Variants in FOXP2 observed in about 807,000 individuals in gnomAD.
FOXP2 encodes the protein forkhead box protein P2.
FOXP2 carries 12 observed loss-of-function variants against 115.8 expected under a neutral mutation model. The ratio of observed to expected loss-of-function variants is 0.10; its 90% CI spans 0.07 to 0.17. The LOEUF is 0.17. Ranked by LOEUF, FOXP2 falls within the 10% of genes least tolerant of loss-of-function variation. FOXP2 has a pLI of 1.00. For synonymous variants in FOXP2, 328 were observed against 297.7 expected (o/e 1.10, Z -1.05); for missense variants, 629 against 843.5 (o/e 0.75, Z 3.15).
intron 2 of FOXP2, among the ~76,000 whole-genome samples, chr7:114,332,820 G>A (rs1465972424): frequency 6.6e-6 from 1 of 152,144 alleles, no homozygotes; most frequent in Non-Finnish European, 1.5e-5. Flanking sequence ...TGCTGGCTCT[G>A]CTTCTACCAC....
intron 2 of FOXP2, among the ~76,000 whole-genome samples, chr7:114,507,310 A>T (rs1001599514): frequency 6.6e-6 from 1 of 151,906 alleles, no homozygotes; most frequent in East Asian, 1.9e-4. Context: ...CATCTTAGCA[A>T]GTAGAAGTGA....
At position 114,540,201 on chromosome 7, in the gene FOXP2, A is replaced by C. The variant is rs149285266; in HGVS notation, c.258+5495A>C. On this transcript the variant is annotated intron_variant, in intron 3 of 16. Transcript: ENST00000350908. The stretch of plus-strand genomic sequence containing the variant: ...CTTGTTGTAATTGTGTGTTTTAAGG[A>C]ATACTAGAGTGTTTTCCCCTGCTAT... 3.6e-3 allele frequency among the ~76,000 whole-genome samples: 540 copies of C among 152,086 alleles called. 5 individuals are homozygous for C. In the Middle Eastern group the frequency reaches 0.089, roughly 25 times the overall value.
At chr7:114,148,836 T>C (rs1792455126) in intron 1 of FOXP2, among the ~76,000 whole-genome samples, 1 of 152,198 alleles carries the variant, frequency 6.6e-6, no homozygotes, top group Non-Finnish European at 1.5e-5. Context: ...CTGTCTTCTT[T>C]GCTTCATCTC....
chr7:114,154,000 T>C (rs1026979756), intron 1 of FOXP2, among the ~76,000 whole-genome samples: 1 of 152,132 alleles, frequency 6.6e-6, no homozygotes, highest in African/African-American at 2.4e-5. Context: ...ACAATTGTAT[T>C]TGTATTTTGT....
At chr7:114,488,251 A>AC (rs150567288) in intron 2 of FOXP2, among the ~76,000 whole-genome samples, 1,696 of 151,834 alleles carry the variant, frequency 0.011, 16 homozygotes, top group Middle Eastern at 0.031. Context: ...AGAAATACCC[A>AC]CCCCCATGAT....
rs542201733 is a variant in FOXP2 at position 114,511,526 on chromosome 7, A to G, written c.169-23091A>G. On this transcript the variant is annotated intron_variant, in intron 2 of 16. Transcript: ENST00000350908. ...GAAGGAATAATTTCACTGGAGAGCCAAAGACTAGCCAGATTTTTAGAGGAG... is the reference window on the plus strand; with the variant it reads ...GAAGGAATAATTTCACTGGAGAGCCGAAGACTAGCCAGATTTTTAGAGGAG... Among the ~76,000 whole-genome samples the G allele has an allele frequency of 2.3e-4, 35 of 152,304 alleles. No individual in the cohort carries two copies. In the South Asian group the frequency reaches 7.0e-3, roughly 31 times the overall value.
At chr7:114,619,304 A>T (rs1417330310) in intron 3 of FOXP2, among the ~76,000 whole-genome samples, 5 of 152,130 alleles carry the variant, frequency 3.3e-5, no homozygotes, top group Admixed American at 3.3e-4. Flanking sequence ...TGTCTTTGTA[A>T]AACCAAAACG....
At chr7:114,504,519 C>T (rs149747904) in intron 2 of FOXP2, among the ~76,000 whole-genome samples, 37 of 151,672 alleles carry the variant, frequency 2.4e-4, no homozygotes, top group African/African-American at 8.0e-4. Flanking sequence ...GTATATTTTA[C>T]TCATTTTTAA....
chr7:114,257,282 A>G (rs954806679), intron 1 of FOXP2, among the ~76,000 whole-genome samples: 5 of 152,158 alleles, frequency 3.3e-5, no homozygotes, highest in Non-Finnish European at 7.3e-5. Flanking sequence ...TATACCTTAT[A>G]CAAAAATTAA....
rs370317393 is a variant in FOXP2, at chr7:114,346,113, T to C, written c.-11+58004T>C. On this transcript the variant is annotated intron_variant, in intron 2 of 17. Coordinates refer to the FOXP2 transcript ENST00000634411. Reference sequence around the variant, plus strand: ...ACTCCTATTATGCAATTTTAAGCAATTATGATGTAGACAGTCATATACATG... The same window carrying C: ...ACTCCTATTATGCAATTTTAAGCAACTATGATGTAGACAGTCATATACATG... 1.4e-4 allele frequency among the ~76,000 whole-genome samples: 21 copies of C among 151,962 alleles called. No homozygotes were observed. In the East Asian group the frequency reaches 4.1e-3, roughly 29 times the overall value.
intron 3 of FOXP2, among the ~76,000 whole-genome samples, chr7:114,547,458 T>C (rs1799982715): frequency 1.3e-5 from 2 of 152,116 alleles, no homozygotes; most frequent in Admixed American, 6.6e-5. Flanking sequence ...GAAAATGGTA[T>C]TAGAAATATA....
intron 1 of FOXP2, among the ~76,000 whole-genome samples, chr7:114,172,631 ACTTT>A (rs1289648351): frequency 6.6e-6 from 1 of 152,148 alleles, no homozygotes; most frequent in Non-Finnish European, 1.5e-5. Flanking sequence ...AACTCTCTGT[ACTTT>A]CTTCTCAATT....
chr7:114,201,582 C>T (rs546845997), intron 1 of FOXP2, among the ~76,000 whole-genome samples: 125 of 152,116 alleles, frequency 8.2e-4, no homozygotes, highest in African/African-American at 2.8e-3. Context: ...TTAATTTTAT[C>T]GTACCTTCTC....
chr7:114,246,287 TG>T (rs962434333), intron 1 of FOXP2, among the ~76,000 whole-genome samples: 2 of 152,126 alleles, frequency 1.3e-5, no homozygotes, highest in African/African-American at 2.4e-5. Flanking sequence ...TAGCTAAATC[TG>T]GGCTAGCAGT....
At chr7:114,235,325 A>G (rs1402049660) in intron 1 of FOXP2, among the ~76,000 whole-genome samples, 2 of 152,120 alleles carry the variant, frequency 1.3e-5, no homozygotes, top group African/African-American at 2.4e-5. Flanking sequence ...TACAGATTAT[A>G]TAATCTTCCT....
intron 1 of FOXP2, among the ~76,000 whole-genome samples, chr7:114,196,620 A>C (rs572617498): frequency 6.6e-6 from 1 of 152,170 alleles, no homozygotes; most frequent in Admixed American, 6.5e-5. Flanking sequence ...TGTGTCAGTC[A>C]TTTAAGAGTA....
At chr7:114,359,322 G>C (rs1034101970) in intron 2 of FOXP2, among the ~76,000 whole-genome samples, 1 of 152,244 alleles carries the variant, frequency 6.6e-6, no homozygotes, top group African/African-American at 2.4e-5. Flanking sequence ...GCATGTCCAG[G>C]CAGAGGTGTG....
At chr7:114,308,920 AC>A (rs577981189) in intron 2 of FOXP2, among the ~76,000 whole-genome samples, 1 of 152,186 alleles carries the variant, frequency 6.6e-6, no homozygotes, top group Non-Finnish European at 1.5e-5. Context: ...GAGACAAAAG[AC>A]CGATATAGTC....
At chr7:114,109,224 A>T (rs1237591233) in intron 1 of FOXP2, among the ~76,000 whole-genome samples, 1 of 152,026 alleles carries the variant, frequency 6.6e-6, no homozygotes, top group East Asian at 1.9e-4. Flanking sequence ...TTTAAAATAG[A>T]TTATGTATTT....
Sources: gnomAD v4.1 joint callset for allele counts (sites outside exome capture counted in the v4.1 genomes callset) on GRCh38, gnomAD v4.1.1 for gene constraint, MANE v1.5 for transcripts, NCBI Gene and HGNC (gene_info 2026-07-23, HGNC 2026-07-21) for gene names.